Variants in ARSG observed in about 807,000 individuals in gnomAD.
ARSG encodes the protein arylsulfatase G.
A neutral mutation model predicts 50.5 loss-of-function variants in ARSG; 37 were observed. The observed-to-expected ratio is 0.73, with a 90% CI of 0.56 to 0.96. ARSG has a LOEUF of 0.96. ARSG is among the 50% of genes least tolerant of loss of function. The pLI, the probability that ARSG is intolerant of heterozygous loss-of-function variation, is 0.00. For missense variants in ARSG, 629 were observed against 675.3 expected, an observed-to-expected ratio of 0.93 and a Z score of 0.76; for synonymous variants, 225 against 254.6, an observed-to-expected ratio of 0.88 and a Z score of 1.11.
chr17:68,401,462 G>A lies in ARSG; in HGVS notation c.1303+12G>A. 1.9e-6 allele frequency: 3 copies of A among 1,603,492 alleles called. No homozygotes were observed. Among genetic ancestry groups the A allele is most frequent in the South Asian group, 2.2e-5 (2 of 90,800 alleles). ...CTTCTACATTACCGGTGAGTGAGGG[G>A]CCACTTAGCCCTGCCTCCCACAGTC... On this transcript the variant is annotated intron_variant, in intron 11 of 11. Coordinates refer to ENST00000621439, the MANE Select transcript of ARSG (RefSeq NM_001267727.2).
intron 1 of ARSG, among the ~76,000 whole-genome samples, chr17:68,302,822 C>T (rs1555762425): frequency 6.6e-6 from 1 of 152,144 alleles, no homozygotes; most frequent in Non-Finnish European, 1.5e-5. Flanking sequence ...CTTTCACAGT[C>T]AGTTGTGCTC....
intron 2 of ARSG, among the ~76,000 whole-genome samples, chr17:68,338,783 A>G (rs924244701): frequency 6.6e-6 from 1 of 152,226 alleles, no homozygotes; most frequent in Non-Finnish European, 1.5e-5. Flanking sequence ...AGTTCAAGCT[A>G]AAAAATGGTT....
chr17:68,387,959 C>T (rs926999838), intron 9 of ARSG, among the ~76,000 whole-genome samples: 10 of 151,882 alleles, frequency 6.6e-5, no homozygotes, highest in African/African-American at 2.2e-4. Flanking sequence ...GTGTTAATAT[C>T]GGTGTGTACC....
chr17:68,386,068 T>C (rs11655081), intron 9 of ARSG, among the ~76,000 whole-genome samples: 28,026 of 152,178 alleles, frequency 0.18, 5,239 homozygotes, highest in East Asian at 0.46. Flanking sequence ...CTCACCATTA[T>C]TCTTATTGCC....
At chr17:68,306,265 G>A (rs1454192997) in intron 1 of ARSG, among the ~76,000 whole-genome samples, 5 of 152,084 alleles carry the variant, frequency 3.3e-5, no homozygotes, top group African/African-American at 1.2e-4. Flanking sequence ...ACCTCCCAAA[G>A]TGCTGGGATT....
intron 2 of ARSG, among the ~76,000 whole-genome samples, chr17:68,340,686 C>T (rs547722639): frequency 3.9e-4 from 60 of 152,262 alleles, no homozygotes; most frequent in African/African-American, 1.4e-3. Context: ...AAGCAGATGT[C>T]CCAGACTCCC....
chr17:68,308,614 G>C (rs2076703736), intron 2 of ARSG, among the ~76,000 whole-genome samples: 1 of 152,230 alleles, frequency 6.6e-6, no homozygotes, highest in African/African-American at 2.4e-5. Flanking sequence ...AGTGTGGAAA[G>C]GGACCTGAGC....
In ARSG at chr17:68,381,506, T is replaced by G. The variant is rs2080432805; in HGVS notation, c.983-3558T>G. ...GGAGGCTTATCTAAATGAATAGTGT[T>G]TGAAATTGAAAAGTGATTAGAAGTT... On this transcript the variant is annotated intron_variant, in intron 8 of 11. Transcript: ENST00000621439. The surrounding 1 kb of genome is among the most constrained non-coding windows in gnomAD (Gnocchi z 4.1). Among the ~76,000 whole-genome samples, 1 of 151,536 alleles carries G rather than the reference T, an allele frequency of 6.6e-6. No homozygotes were observed. The highest frequency in any genetic ancestry group is 1.5e-5 in the Non-Finnish European group (1 of 67,902).
the ARSG span, among the ~76,000 whole-genome samples, chr17:68,437,947 TTAAAAAAA>T: frequency 3.6e-4 from 21 of 58,786 alleles, no homozygotes; most frequent in South Asian, 1.3e-3. Flanking sequence ...GACATCTCTC[TTAAAAAAA>T]AAAAAAAAAA....
chr17:68,412,261 G>A (rs1273196195), intron 11 of ARSG, among the ~76,000 whole-genome samples: 1 of 152,174 alleles, frequency 6.6e-6, no homozygotes, highest in Non-Finnish European at 1.5e-5. Flanking sequence ...GCTGGTACCG[G>A]TTGTTCCTTT....
intron 2 of ARSG, among the ~76,000 whole-genome samples, chr17:68,315,628 G>A (rs2077041257): frequency 6.6e-6 from 1 of 151,904 alleles, no homozygotes; most frequent in South Asian, 2.1e-4. Context: ...TGAGAAATGG[G>A]ATTGTATTTA....
chr17:68,414,391 G>A (rs1451203640), intron 11 of ARSG, among the ~76,000 whole-genome samples: 4 of 152,130 alleles, frequency 2.6e-5, no homozygotes, highest in Non-Finnish European at 4.4e-5. Flanking sequence ...CCTTGATTAT[G>A]GTGAATTATC....
chr17:68,265,118 C>A (rs1202469882), intron 1 of ARSG, among the ~76,000 whole-genome samples: 1 of 146,826 alleles, frequency 6.8e-6, no homozygotes, highest in Non-Finnish European at 1.5e-5. Context: ...CACGCCACTG[C>A]ACTCCAGCCT....
the ARSG span, among the ~76,000 whole-genome samples, chr17:68,432,186 C>T: frequency 6.6e-5 from 10 of 152,228 alleles, no homozygotes; most frequent in African/African-American, 1.2e-4. Context: ...AGAAGGGAGC[C>T]GCCCCCAGTG....
intron 11 of ARSG, 48 bp downstream of exon 11, chr17:68,401,498 G>C: frequency 6.4e-7 from 1 of 1,571,432 alleles, no homozygotes; most frequent in Non-Finnish European, 8.7e-7. Flanking sequence ...ACAGCTGCAC[G>C]GGGACCCCAT....
At chr17:68,402,442 G>A (rs2081512810) in intron 11 of ARSG, among the ~76,000 whole-genome samples, 1 of 151,584 alleles carries the variant, frequency 6.6e-6, no homozygotes, top group Non-Finnish European at 1.5e-5. Context: ...ACTGTATTTC[G>A]TCATATTGGT....
chr17:68,333,007 T>A (rs1265125467), intron 2 of ARSG, among the ~76,000 whole-genome samples: 8 of 152,208 alleles, frequency 5.3e-5, no homozygotes. Context: ...TGCATAAATG[T>A]CAGCTATAAG....
At chr17:68,442,877 C>T in the ARSG span, among the ~76,000 whole-genome samples, 1 of 152,304 alleles carries the variant, frequency 6.6e-6, no homozygotes, top group South Asian at 2.1e-4. Context: ...AGATTTTGGG[C>T]TCCTGGTATG....
intron 1 of ARSG, among the ~76,000 whole-genome samples, chr17:68,299,156 G>A (rs1204594562): frequency 2.1e-5 from 3 of 146,010 alleles, no homozygotes; most frequent in African/African-American, 7.6e-5. Context: ...CCAGGCTGGA[G>A]TGCAGTGGCA....
Sources: gnomAD v4.1 joint callset for allele counts (sites outside exome capture counted in the v4.1 genomes callset) on GRCh38, gnomAD v4.1.1 for gene constraint, Gnocchi (gnomAD v3.1) non-coding constraint, MANE v1.5 for transcripts, NCBI Gene and HGNC (gene_info 2026-07-23, HGNC 2026-07-21) for gene names.